RHOBTB1: variants seen among roughly 807,000 people sequenced by gnomAD.
The protein encoded by RHOBTB1 is rho-related BTB domain-containing protein 1.
RHOBTB1 carries 40 observed loss-of-function variants against 71.6 expected under a neutral mutation model. The observed-to-expected ratio is 0.56, with a 90% confidence interval of 0.43 to 0.73. The LOEUF is 0.73. Ranked by LOEUF, RHOBTB1 falls within the 30% of genes least tolerant of loss-of-function variation. RHOBTB1 has a pLI of 0.00. For synonymous variants in RHOBTB1, 319 were observed against 334.9 expected (o/e 0.95, Z 0.52); for missense variants, 797 against 894.0 (o/e 0.89, Z 1.38).
chr10:60,905,065 T>A (rs2082596638), intron 4 of RHOBTB1, among the ~76,000 whole-genome samples: 1 of 152,044 alleles, frequency 6.6e-6, no homozygotes, highest in African/African-American at 2.4e-5. Flanking sequence ...TTAGGGCCAG[T>A]ACTTGAGTGA....
intron 2 of RHOBTB1, among the ~76,000 whole-genome samples, chr10:60,952,446 C>T (rs1008196796): frequency 3.9e-5 from 6 of 152,190 alleles, no homozygotes; most frequent in Admixed American, 3.3e-4. Context: ...TGCTTTTATA[C>T]TCACTTTCAT....
At chr10:60,996,156 A>G (rs1022999245) in intron 1 of RHOBTB1, among the ~76,000 whole-genome samples, 2 of 152,124 alleles carry the variant, frequency 1.3e-5, no homozygotes, top group Admixed American at 6.5e-5. Flanking sequence ...TGGGCTTCCT[A>G]TGATTTTTCT....
At chr10:60,931,367 C>T (rs950310079) in intron 2 of RHOBTB1, among the ~76,000 whole-genome samples, 31 of 152,144 alleles carry the variant, frequency 2.0e-4, no homozygotes, top group African/African-American at 7.5e-4. Flanking sequence ...CTGGCAACCA[C>T]GAATCTACTT....
intron 2 of RHOBTB1, among the ~76,000 whole-genome samples, chr10:60,977,002 A>G: frequency 6.6e-6 from 1 of 152,062 alleles, no homozygotes; most frequent in East Asian, 1.9e-4. Context: ...TTAAAATCTT[A>G]GCTTCATTGG....
chr10:60,886,922 C>A (rs1410267733), intron 6 of RHOBTB1, among the ~76,000 whole-genome samples: 1 of 151,622 alleles, frequency 6.6e-6, no homozygotes, highest in Non-Finnish European at 1.5e-5. Context: ...CTCCTAACTA[C>A]CTTATCACAA....
Position 60,886,115 on chromosome 10 carries a change from A to G in RHOBTB1, c.1572T>C (p.Ser524=), listed in dbSNP as rs2271128. 0.039 allele frequency: 63,564 copies of G among 1,610,150 alleles called. 1,608 individuals carry two copies. Among genetic ancestry groups the G allele is most frequent in the East Asian group, 0.099 (4,417 of 44,838 alleles). Residue 524 remains serine (S), a synonymous_variant, in exon 7 of 11, where the codon AGT becomes AGC. Transcript: ENST00000337910. ...ATGCTTTTAGGAAGGCACGTACCTCACTGTTGGCACTTTCCACAAATGACC... is the reference window on the plus strand; with the variant it reads ...ATGCTTTTAGGAAGGCACGTACCTCGCTGTTGGCACTTTCCACAAATGACC... ...FGGSFVESAN[S]EVYLPNINKI...
chr10:60,974,541 C>T (rs535170501), intron 2 of RHOBTB1, among the ~76,000 whole-genome samples: 14 of 152,120 alleles, frequency 9.2e-5, no homozygotes, highest in African/African-American at 2.9e-4. Context: ...ACACATCCAT[C>T]GAGATTGGGG....
intron 6 of RHOBTB1, among the ~76,000 whole-genome samples, chr10:60,886,716 G>A (rs2081594599): frequency 7.8e-6 from 1 of 128,186 alleles, no homozygotes; most frequent in South Asian, 2.9e-4. Flanking sequence ...TTTAAGAGAT[G>A]TGGGGGGGGG....
intron 1 of RHOBTB1, among the ~76,000 whole-genome samples, chr10:60,995,662 G>A (rs2087022569): frequency 6.6e-6 from 1 of 152,170 alleles, no homozygotes; most frequent in South Asian, 2.1e-4. Context: ...CCTCTTAGGA[G>A]AAATAATAAA....
chr10:60,905,398 C>T (rs1192804685), intron 4 of RHOBTB1, among the ~76,000 whole-genome samples: 4 of 126,156 alleles, frequency 3.2e-5, no homozygotes, highest in Non-Finnish European at 6.2e-5. Flanking sequence ...TGCAGCAAGC[C>T]AAGATCGCGC....
intron 7 of RHOBTB1, among the ~76,000 whole-genome samples, chr10:60,880,052 G>A (rs972488330): frequency 1.3e-5 from 2 of 152,124 alleles, no homozygotes; most frequent in African/African-American, 4.8e-5. Context: ...GTATACAGGA[G>A]GATGTGCACA....
chr10:60,870,771 G>A lies in RHOBTB1; in HGVS notation c.*711C>T, dbSNP rs2132138078. On this transcript the variant is annotated 3_prime_UTR_variant, in exon 11 of 11. Transcript: ENST00000337910. ...TAATGATTATAAAGATTGTCCTCTTGAAACTAGACATTGGAAACAACAGAA... is the reference window on the plus strand; with the variant it reads ...TAATGATTATAAAGATTGTCCTCTTAAAACTAGACATTGGAAACAACAGAA... The A allele has an allele frequency of 6.5e-6, 1 of 152,686 alleles. No homozygotes were observed. Among genetic ancestry groups the A allele is most frequent in the African/African-American group, 2.4e-5 (1 of 41,560 alleles). 9.5% of individuals were successfully genotyped at this position (152,686 alleles called of 1,614,324 possible). A position where few individuals can be genotyped will look rare whatever the true frequency, so the allele number is the denominator to read the frequency against.
At chr10:60,874,178 G>A (rs1317718113) in intron 9 of RHOBTB1, among the ~76,000 whole-genome samples, 2 of 152,210 alleles carry the variant, frequency 1.3e-5, no homozygotes, top group Admixed American at 6.5e-5. Flanking sequence ...CCAACAGGCC[G>A]AAGAAAAGAC....
Position 60,892,950 on chromosome 10 carries a change from G to A in RHOBTB1, c.342C>T (p.Ser114=), listed in dbSNP as rs752616004. The part of the protein sequence containing the change: ...VLCFSIANPN[S]LNHVKSMWYP... ...ACCACATGCTTTTCACATGATTTAG[G>A]GAATTGGGATTAGCAATCGAAAAAC... The change falls in exon 5 of 11, where the codon TCC becomes TCT. Residue 114 remains serine, a synonymous_variant. Transcript: ENST00000337910. 41 of 1,613,796 alleles carry A rather than the reference G, an allele frequency of 2.5e-5. No homozygotes were observed. In the South Asian group the frequency reaches 4.4e-4, roughly 17 times the overall value.
At position 60,888,461 on chromosome 10, in the gene RHOBTB1, C is replaced by T; in HGVS notation, c.1207G>A (p.Asp403Asn). The T allele has an allele frequency of 6.2e-7, 1 of 1,614,190 alleles. No homozygotes were observed. The highest frequency in any genetic ancestry group is 8.5e-7 in the Non-Finnish European group (1 of 1,180,034). The change falls in exon 6 of 11, where the codon GAC becomes AAC. Residue 403 changes from aspartate to asparagine, a missense_variant. Physicochemically the swap from Asp to Asn is conservative, Grantham distance 23. This residue lies in a region of RHOBTB1 where 658 missense variants were observed against 681.5 expected (regional missense o/e 0.97). Transcript: ENST00000337910. Reference protein sequence around the residue: ...RMGPMTVVRMDASVQPGPFRT... With the variant: ...RMGPMTVVRMNASVQPGPFRT... The stretch of plus-strand genomic sequence containing the variant: ...AAAGGGCCTGGCTGGACTGAAGCGT[C>T]CATCCTGACCACAGTCATGGGCCCC...
intron 2 of RHOBTB1, among the ~76,000 whole-genome samples, chr10:60,974,997 G>A (rs2086270854): frequency 1.3e-5 from 2 of 152,020 alleles, no homozygotes; most frequent in African/African-American, 2.4e-5. Context: ...GCTGAGAGCT[G>A]TATGATCTTA....
At chr10:60,895,032 A>C (rs536081453) in intron 4 of RHOBTB1, among the ~76,000 whole-genome samples, 1 of 152,320 alleles carries the variant, frequency 6.6e-6, no homozygotes. Flanking sequence ...GTAAACAAGT[A>C]CAGACAGGAC....
At chr10:60,904,857 C>A (rs1008180630) in intron 4 of RHOBTB1, among the ~76,000 whole-genome samples, 1 of 152,084 alleles carries the variant, frequency 6.6e-6, no homozygotes, top group Admixed American at 6.6e-5. Context: ...TTTTCTATAA[C>A]CTGAGCAATT....
chr10:60,953,532 T>A (rs1417905835), intron 2 of RHOBTB1, among the ~76,000 whole-genome samples: 1 of 152,200 alleles, frequency 6.6e-6, no homozygotes, highest in African/African-American at 2.4e-5. Context: ...TTCCTCTTTT[T>A]AATAACAGAG....
Sources: allele counts gnomAD v4.1 joint callset (sites outside exome capture counted in the v4.1 genomes callset), GRCh38; gene constraint gnomAD v4.1.1; regional missense constraint gnomAD v4.1.1; transcripts MANE v1.5; gene names NCBI Gene and HGNC (gene_info 2026-07-23, HGNC 2026-07-21).